Variants in RBFOX3 observed in about 807,000 individuals in gnomAD.
The protein encoded by RBFOX3 is RNA binding fox-1 homolog 3.
A neutral mutation model predicts 48.7 loss-of-function variants in RBFOX3; 17 were observed. The ratio of observed to expected loss-of-function variants is 0.35; its 90% CI spans 0.24 to 0.52. The LOEUF is 0.52. Among genes scored for constraint, RBFOX3 ranks in the 20% least tolerant of loss-of-function variants. The pLI, the probability that RBFOX3 is intolerant of heterozygous loss-of-function variation, is 0.94. For missense variants in RBFOX3, 382 were observed against 497.5 expected (o/e 0.77, Z 2.21); for synonymous variants, 212 against 209.5 (o/e 1.01, Z -0.10).
intron 3 of RBFOX3, among the ~76,000 whole-genome samples, chr17:79,240,752 C>T (rs1397137861): frequency 1.3e-5 from 2 of 152,146 alleles, no homozygotes; most frequent in Non-Finnish European, 2.9e-5. Context: ...CAAGCTCCGC[C>T]TCCCAGATTC....
At chr17:79,221,051 G>T (rs933421773) in intron 4 of RBFOX3, among the ~76,000 whole-genome samples, 1 of 152,218 alleles carries the variant, frequency 6.6e-6, no homozygotes, top group African/African-American at 2.4e-5. Flanking sequence ...CCTGCTGGGG[G>T]CTAGGACCTT....
chr17:79,415,649 T>C (rs575302326), intron 2 of RBFOX3, among the ~76,000 whole-genome samples: 8 of 152,222 alleles, frequency 5.3e-5, no homozygotes, highest in East Asian at 1.9e-4. Context: ...AGTCACACAA[T>C]TGCATGCGGC....
chr17:79,403,401 C>G (rs1230040172), intron 2 of RBFOX3, among the ~76,000 whole-genome samples: 2 of 152,210 alleles, frequency 1.3e-5, no homozygotes, highest in Non-Finnish European at 2.9e-5. Flanking sequence ...GGTTCAGGCT[C>G]CTGTGGATGG....
At chr17:79,452,718 C>T (rs1287791144) in intron 2 of RBFOX3, among the ~76,000 whole-genome samples, 2 of 152,182 alleles carry the variant, frequency 1.3e-5, no homozygotes, top group African/African-American at 4.8e-5. Context: ...TTGGTGGCCA[C>T]AGCCCCTGCC....
chr17:79,578,076 C>T (rs1218416978), intron 1 of RBFOX3, among the ~76,000 whole-genome samples: 2 of 152,238 alleles, frequency 1.3e-5, no homozygotes, highest in South Asian at 2.1e-4. Flanking sequence ...GCTGGCTTTC[C>T]GGATGGGCAG....
intron 4 of RBFOX3, among the ~76,000 whole-genome samples, chr17:79,152,294 G>A (rs2144883162): frequency 6.6e-6 from 1 of 152,296 alleles, no homozygotes; most frequent in Non-Finnish European, 1.5e-5. Flanking sequence ...ACCTCCCCCA[G>A]CCCATCCTCA....
intron 1 of RBFOX3, among the ~76,000 whole-genome samples, chr17:79,507,891 C>T (rs1401366379): frequency 6.6e-6 from 1 of 152,232 alleles, no homozygotes; most frequent in Non-Finnish European, 1.5e-5. Flanking sequence ...GGCAGCCCAT[C>T]ACAGTGACAG....
the RBFOX3 span, among the ~76,000 whole-genome samples, chr17:79,623,823 T>TAAAAA: frequency 2.5e-4 from 26 of 106,014 alleles, no homozygotes; most frequent in African/African-American, 9.4e-4. Flanking sequence ...ACTCTGTCTC[T>TAAAAA]AAAAAAAAAA....
chr17:79,478,820 A>T (rs1360082051), intron 2 of RBFOX3, among the ~76,000 whole-genome samples: 3 of 152,244 alleles, frequency 2.0e-5, no homozygotes, highest in Non-Finnish European at 4.4e-5. Flanking sequence ...CCATGTTTTT[A>T]ATAAGGACTT....
rs1207194768 is a variant in RBFOX3 at position 79,311,061 on chromosome 17, T to A, written c.-174-3237A>T. On this transcript the variant is annotated intron_variant, in intron 2 of 14. Coordinates refer to ENST00000693108, the MANE Select transcript of RBFOX3 (RefSeq NM_001350451.2). The surrounding 1 kb of genome is among the most constrained non-coding windows in gnomAD (Gnocchi z 4.2). The stretch of plus-strand genomic sequence containing the variant: ...GGGTGGGTGGGCTTCATCCAGTCAG[T>A]CGAAAGGCTTCATCCGGTCAGTTAA... Among the ~76,000 whole-genome samples the A allele has an allele frequency of 2.0e-5, 3 of 152,076 alleles. No individual in the cohort carries two copies. The highest frequency in any genetic ancestry group is 1.3e-4 in the Admixed American group (2 of 15,268).
rs112462890 is a variant in RBFOX3 at position 79,440,843 on chromosome 17, A to T, written c.-175+41611T>A. 1.2e-4 allele frequency among the ~76,000 whole-genome samples: 18 copies of T among 150,550 alleles called. 1 individual carries two copies. Among genetic ancestry groups the T allele is most frequent in the African/African-American group, 4.2e-4 (17 of 40,824 alleles). ...CTGCTCCTGACCACGGCCTCCCTTCACCCAGGGTTTGTCCCTCAGAGGCCT... is the reference window on the plus strand; with the variant it reads ...CTGCTCCTGACCACGGCCTCCCTTCTCCCAGGGTTTGTCCCTCAGAGGCCT... On this transcript the variant is annotated intron_variant, in intron 2 of 14. Transcript: ENST00000693108.
chr17:79,503,620 G>A (rs1333574051), intron 1 of RBFOX3, among the ~76,000 whole-genome samples: 4 of 152,260 alleles, frequency 2.6e-5, no homozygotes, highest in African/African-American at 4.8e-5. Context: ...CCACGGCTGC[G>A]TGTGGCTCGG....
At chr17:79,177,209 T>TCCC (rs58684385) in intron 4 of RBFOX3, among the ~76,000 whole-genome samples, 54 of 149,812 alleles carry the variant, frequency 3.6e-4, no homozygotes, top group African/African-American at 1.3e-3. Context: ...CCTCCTCCTC[T>TCCC]CCCCCCCCGC....
intron 1 of RBFOX3, among the ~76,000 whole-genome samples, chr17:79,559,113 A>T (rs1364718663): frequency 6.6e-6 from 1 of 152,048 alleles, no homozygotes; most frequent in East Asian, 1.9e-4. Flanking sequence ...ACAATCTAGC[A>T]CATTAATTGT....
intron 1 of RBFOX3, among the ~76,000 whole-genome samples, chr17:79,587,827 G>A (rs1032002211): frequency 2.6e-5 from 4 of 152,158 alleles, no homozygotes; most frequent in Admixed American, 2.0e-4. Flanking sequence ...CTTCACGGGA[G>A]GACGGAACAT....
At chr17:79,389,086 G>C (rs560104085) in intron 2 of RBFOX3, among the ~76,000 whole-genome samples, 1 of 148,906 alleles carries the variant, frequency 6.7e-6, no homozygotes. Flanking sequence ...ACGGAGGGAC[G>C]AAGCGGTGGG....
chr17:79,158,780 C>T (rs578248893), intron 4 of RBFOX3, among the ~76,000 whole-genome samples: 1 of 152,232 alleles, frequency 6.6e-6, no homozygotes, highest in South Asian at 2.1e-4. Flanking sequence ...AGGTACAGCC[C>T]CAATTTATGT....
intron 3 of RBFOX3, among the ~76,000 whole-genome samples, chr17:79,296,579 C>T (rs115203071): frequency 0.011 from 1,656 of 152,088 alleles, 37 homozygotes; most frequent in African/African-American, 0.038. Context: ...AGGAAAATGC[C>T]CAACGGAAGA....
intron 2 of RBFOX3, among the ~76,000 whole-genome samples, chr17:79,321,056 C>T (rs1173028348): frequency 2.0e-5 from 3 of 152,186 alleles, no homozygotes; most frequent in Non-Finnish European, 2.9e-5. Context: ...TAGAGGCCCC[C>T]GTGCCACTGC....
Sources: gnomAD v4.1 joint callset for allele counts (sites outside exome capture counted in the v4.1 genomes callset) on GRCh38, gnomAD v4.1.1 for gene constraint, Gnocchi (gnomAD v3.1) non-coding constraint, MANE v1.5 for transcripts, NCBI Gene and HGNC (gene_info 2026-07-23, HGNC 2026-07-21) for gene names.